Variants in ATRNL1 observed in about 807,000 individuals in gnomAD.
ATRNL1 encodes the protein attractin like 1.
ATRNL1 carries 95 observed loss-of-function variants against 182.7 expected under a neutral mutation model. The observed-to-expected ratio is 0.52, with a 90% CI of 0.44 to 0.62. ATRNL1 has a LOEUF of 0.62. Ranked by LOEUF, ATRNL1 falls within the 20% of genes least tolerant of loss-of-function variation. The pLI is 0.00. For missense variants in ATRNL1, 1,471 were observed against 1,679.5 expected (o/e 0.88, Z 2.17); for synonymous variants, 576 against 568.3 (o/e 1.01, Z -0.19).
At chr10:115,919,239 C>T (rs1952972059) in intron 28 of ATRNL1, among the ~76,000 whole-genome samples, 1 of 152,140 alleles carries the variant, frequency 6.6e-6, no homozygotes, top group Non-Finnish European at 1.5e-5. Flanking sequence ...TCCAATTCTA[C>T]TTGGGCACAC....
intron 26 of ATRNL1, among the ~76,000 whole-genome samples, chr10:115,561,697 G>GTGTA (rs1350498750): frequency 2.8e-5 from 3 of 107,858 alleles, no homozygotes; most frequent in African/African-American, 9.6e-5. Context: ...GTGGGTGTGT[G>GTGTA]TGTGTGGGTG....
chr10:115,360,676 T>C (rs1252061797), intron 19 of ATRNL1, among the ~76,000 whole-genome samples: 1 of 151,702 alleles, frequency 6.6e-6, no homozygotes, highest in Non-Finnish European at 1.5e-5. Context: ...AAAAAATTTA[T>C]TTTACTTTAA....
At chr10:115,759,278 C>T (rs1948671519) in intron 27 of ATRNL1, among the ~76,000 whole-genome samples, 1 of 152,128 alleles carries the variant, frequency 6.6e-6, no homozygotes, top group African/African-American at 2.4e-5. Context: ...ACAGTTTGCA[C>T]TAGTGAATAC....
chr10:115,882,011 C>T (rs1426893376), intron 28 of ATRNL1, among the ~76,000 whole-genome samples: 4 of 152,156 alleles, frequency 2.6e-5, no homozygotes, highest in Non-Finnish European at 5.9e-5. Context: ...TAAAGTTCAC[C>T]CTTCCCAGCC....
chr10:115,393,627 T>C (rs1474540453), intron 19 of ATRNL1, among the ~76,000 whole-genome samples: 1 of 152,154 alleles, frequency 6.6e-6, no homozygotes, highest in African/African-American at 2.4e-5. Flanking sequence ...GTTATTGGAT[T>C]GGAGAATTAA....
chr10:115,660,667 A>G (rs983326024), intron 26 of ATRNL1, among the ~76,000 whole-genome samples: 3 of 152,104 alleles, frequency 2.0e-5, no homozygotes, highest in Non-Finnish European at 4.4e-5. Flanking sequence ...CTTGATTGAG[A>G]CAGTTTCCAT....
At chr10:115,417,493 C>A (rs1565020279) in intron 20 of ATRNL1, among the ~76,000 whole-genome samples, 1 of 152,162 alleles carries the variant, frequency 6.6e-6, no homozygotes, top group Non-Finnish European at 1.5e-5. Flanking sequence ...CCCAGCTCCC[C>A]CCACTGTAGT....
chr10:115,426,381 C>T, intron 21 of ATRNL1, 79 bp downstream of exon 21: 2 of 1,015,128 alleles, frequency 2.0e-6, no homozygotes, highest in Non-Finnish European at 2.9e-6. Flanking sequence ...TCTTGAATAA[C>T]TAAAATTGTC....
chr10:115,487,089 T>A (rs1441690084), intron 24 of ATRNL1, among the ~76,000 whole-genome samples: 1 of 152,148 alleles, frequency 6.6e-6, no homozygotes, highest in Non-Finnish European at 1.5e-5. Context: ...TTCTGTTCCA[T>A]TGGTCTATAT....
At chr10:115,431,401 TAAA>T (rs3981285) in intron 21 of ATRNL1, among the ~76,000 whole-genome samples, 205 of 110,826 alleles carry the variant, frequency 1.8e-3, no homozygotes, top group African/African-American at 5.3e-3. Context: ...AGAGTGAAAC[TAAA>T]AAAAAAAAAA....
intron 26 of ATRNL1, among the ~76,000 whole-genome samples, chr10:115,640,316 G>T (rs1555029826): frequency 6.6e-6 from 1 of 152,144 alleles, no homozygotes; most frequent in Non-Finnish European, 1.5e-5. Flanking sequence ...GGGTCAAATG[G>T]TATTTCTGGT....
intron 28 of ATRNL1, among the ~76,000 whole-genome samples, chr10:115,865,134 A>G (rs1951411155): frequency 6.6e-6 from 1 of 152,222 alleles, no homozygotes; most frequent in African/African-American, 2.4e-5. Flanking sequence ...TATACACGCA[A>G]TAAAATCCTG....
At chr10:115,417,664 T>C (rs527603754) in intron 20 of ATRNL1, among the ~76,000 whole-genome samples, 30 of 152,284 alleles carry the variant, frequency 2.0e-4, no homozygotes, top group East Asian at 1.9e-4. Context: ...TCTCACCTGT[T>C]CAGAGACCTC....
intron 27 of ATRNL1, among the ~76,000 whole-genome samples, chr10:115,799,983 G>C (rs1949753819): frequency 6.6e-6 from 1 of 152,056 alleles, no homozygotes; most frequent in South Asian, 2.1e-4. Flanking sequence ...CACTTTGGGA[G>C]GCCGAGGCGG....
chr10:115,588,880 T>C (rs1555011226), intron 26 of ATRNL1, among the ~76,000 whole-genome samples: 1 of 152,242 alleles, frequency 6.6e-6, no homozygotes, highest in Non-Finnish European at 1.5e-5. Context: ...GCAAATGTCC[T>C]TGGGACAGAA....
chr10:115,106,648 C>G (rs1844025277), intron 1 of ATRNL1, among the ~76,000 whole-genome samples: 1 of 152,164 alleles, frequency 6.6e-6, no homozygotes, highest in Admixed American at 6.5e-5. Flanking sequence ...GAGTAAGTCT[C>G]AACAATATCT....
At chr10:115,382,249 G>C (rs1858057083) in intron 19 of ATRNL1, among the ~76,000 whole-genome samples, 1 of 152,034 alleles carries the variant, frequency 6.6e-6, no homozygotes, top group Non-Finnish European at 1.5e-5. Flanking sequence ...TCAGATTCTG[G>C]TAAGGATTAC....
intron 9 of ATRNL1, among the ~76,000 whole-genome samples, chr10:115,233,850 C>T (rs1850062978): frequency 6.6e-6 from 1 of 151,886 alleles, no homozygotes; most frequent in Admixed American, 6.6e-5. Context: ...CAAACTTAGT[C>T]ATAATGTATT....
At chr10:115,593,600 T>C (rs1799896013) in intron 26 of ATRNL1, among the ~76,000 whole-genome samples, 1 of 152,208 alleles carries the variant, frequency 6.6e-6, no homozygotes, top group African/African-American at 2.4e-5. Context: ...CCTACACTTA[T>C]ATGTATGTAC....
Sources: allele counts gnomAD v4.1 joint callset (sites outside exome capture counted in the v4.1 genomes callset), GRCh38; gene constraint gnomAD v4.1.1; transcripts MANE v1.5; gene names NCBI Gene and HGNC (gene_info 2026-07-23, HGNC 2026-07-21).